The following SCPPPQ1 variants were observed in gnomAD, a reference collection of about 807,000 sequenced individuals.
SCPPPQ1 encodes secretory calcium-binding phosphoprotein proline- and glutamine-rich 1.
the SCPPPQ1 span, among the ~76,000 whole-genome samples, chr4:87,468,385 A>C: frequency 6.6e-6 from 1 of 152,206 alleles, no homozygotes; most frequent in Middle Eastern, 3.2e-3. Context: ...GGAAATGTAC[A>C]CTTAAGTTCT....
chr4:87,462,995 C>CAAA, the SCPPPQ1 span, among the ~76,000 whole-genome samples: 2 of 91,666 alleles, frequency 2.2e-5, no homozygotes, highest in Non-Finnish European at 4.3e-5. Flanking sequence ...CAAGACTCCT[C>CAAA]AAAAAAAAAA....
chr4:87,461,668 C>T, the SCPPPQ1 span, among the ~76,000 whole-genome samples: 1 of 152,224 alleles, frequency 6.6e-6, no homozygotes, highest in Middle Eastern at 3.4e-3. Flanking sequence ...TATTTGGTGG[C>T]TAAAGGGGGA....
chr4:87,463,047 A>G, the SCPPPQ1 span, among the ~76,000 whole-genome samples: 1 of 151,366 alleles, frequency 6.6e-6, no homozygotes, highest in Non-Finnish European at 1.5e-5. Context: ...GAAATTTCAT[A>G]TTGCATATAT....
the SCPPPQ1 span, among the ~76,000 whole-genome samples, chr4:87,463,571 T>C: frequency 6.6e-6 from 1 of 151,882 alleles, no homozygotes. Flanking sequence ...AAAATTCCAT[T>C]TTATTGCTTA....
chr4:87,465,559 CAAA>C, the SCPPPQ1 span, among the ~76,000 whole-genome samples: 710 of 98,160 alleles, frequency 7.2e-3, 4 homozygotes, highest in African/African-American at 0.029. Flanking sequence ...TAGAAATCTA[CAAA>C]AAAAAAAAAA....
chr4:87,466,441 T>C, the SCPPPQ1 span, among the ~76,000 whole-genome samples: 11 of 152,082 alleles, frequency 7.2e-5, no homozygotes, highest in Admixed American at 7.2e-4. Flanking sequence ...TAGTCCTGAC[T>C]AGAACCAAAA....
At chr4:87,470,508 G>T in the SCPPPQ1 span, among the ~76,000 whole-genome samples, 1 of 151,878 alleles carries the variant, frequency 6.6e-6, no homozygotes, top group Non-Finnish European at 1.5e-5. Context: ...TAGAAAATCA[G>T]CACAATATGA....
At chr4:87,468,380 T>G in the SCPPPQ1 span, among the ~76,000 whole-genome samples, 1 of 152,208 alleles carries the variant, frequency 6.6e-6, no homozygotes, top group Non-Finnish European at 1.5e-5. Context: ...AGTGTGGAAA[T>G]GTACACTTAA....
chr4:87,463,334 A>C, the SCPPPQ1 span, among the ~76,000 whole-genome samples: 1 of 151,294 alleles, frequency 6.6e-6, no homozygotes, highest in Non-Finnish European at 1.5e-5. Context: ...AAAAAACAAC[A>C]AAAAAAAATT....
the SCPPPQ1 span, among the ~76,000 whole-genome samples, chr4:87,468,992 C>G: frequency 6.6e-6 from 1 of 152,222 alleles, no homozygotes; most frequent in African/African-American, 2.4e-5. Flanking sequence ...TCTGTATGAT[C>G]ACTCAAATAT....
chr4:87,470,604 C>T, the SCPPPQ1 span, among the ~76,000 whole-genome samples: 6 of 152,170 alleles, frequency 3.9e-5, no homozygotes, highest in East Asian at 3.9e-4. Flanking sequence ...TTTTAAAAAT[C>T]GCACTTAATT....
chr4:87,467,518 TA>T, the SCPPPQ1 span, among the ~76,000 whole-genome samples: 1 of 152,152 alleles, frequency 6.6e-6, no homozygotes, highest in Non-Finnish European at 1.5e-5. Context: ...TAGAAAGAAG[TA>T]TTCTCTTCAT....
the SCPPPQ1 span, among the ~76,000 whole-genome samples, chr4:87,467,909 A>G: frequency 0.033 from 5,075 of 152,310 alleles, 271 homozygotes; most frequent in African/African-American, 0.12. Context: ...ACATGATGTC[A>G]GTCATTTCAG....
chr4:87,462,955 C>T, the SCPPPQ1 span, among the ~76,000 whole-genome samples: 3 of 144,564 alleles, frequency 2.1e-5, no homozygotes, highest in South Asian at 2.2e-4. Flanking sequence ...GCCGAGATCA[C>T]GCCACTGCAC....
the SCPPPQ1 span, among the ~76,000 whole-genome samples, chr4:87,468,714 G>GT: frequency 6.6e-6 from 1 of 152,194 alleles, no homozygotes; most frequent in Non-Finnish European, 1.5e-5. Context: ...ATCAAATTGT[G>GT]TTTTTAAGAC....
chr4:87,463,014 G>C, the SCPPPQ1 span, among the ~76,000 whole-genome samples: 4 of 136,188 alleles, frequency 2.9e-5, no homozygotes, highest in Non-Finnish European at 4.8e-5. Context: ...AAAAAAAAAA[G>C]CCTGAAGCAA....
At chr4:87,462,473 TTTTCTTTCTTTCTTTC>T in the SCPPPQ1 span, among the ~76,000 whole-genome samples, 257 of 150,978 alleles carry the variant, frequency 1.7e-3, no homozygotes, top group Non-Finnish European at 3.2e-3. Flanking sequence ...GTCTCCACGT[TTTTCTTTCTTTCTTTC>T]TTTCTTTCTT....
chr4:87,463,219 T>TA, the SCPPPQ1 span, among the ~76,000 whole-genome samples: 1,461 of 152,160 alleles, frequency 9.6e-3, 17 homozygotes, highest in African/African-American at 0.029. Context: ...TTTTTATAGT[T>TA]ACAAAGAGTT....
At chr4:87,462,573 C>T in the SCPPPQ1 span, among the ~76,000 whole-genome samples, 2 of 151,984 alleles carry the variant, frequency 1.3e-5, no homozygotes, top group Non-Finnish European at 2.9e-5. Flanking sequence ...AGTTTGTAGC[C>T]TTTGTATCCA....
Sources: gnomAD v4.1 joint callset for allele counts (sites outside exome capture counted in the v4.1 genomes callset) on GRCh38, gnomAD v4.1.1 for gene constraint, MANE v1.5 for transcripts, NCBI Gene and HGNC (gene_info 2026-07-23, HGNC 2026-07-21) for gene names.